SESN1: variants seen among roughly 807,000 people sequenced by gnomAD.
The protein encoded by SESN1 is sestrin-1.
A neutral mutation model predicts 59.3 loss-of-function variants in SESN1; 30 were observed. The ratio of observed to expected loss-of-function variants is 0.51; its 90% CI spans 0.38 to 0.69. SESN1 has a LOEUF of 0.69. Ranked by LOEUF, SESN1 falls within the 30% of genes least tolerant of loss-of-function variation. The pLI is 0.00. For missense variants in SESN1, 566 were observed against 673.0 expected, an observed-to-expected ratio of 0.84 and a Z score of 1.76; for synonymous variants, 197 against 219.9, an observed-to-expected ratio of 0.90 and a Z score of 0.92.
In SESN1 at chr6:108,995,765, CAG is replaced by C. The variant is rs1443411298; in HGVS notation, c.973-1158_973-1157del. Among the ~76,000 whole-genome samples the C allele has an allele frequency of 6.6e-5, 10 of 152,182 alleles. No homozygotes were observed. The East Asian group carries it at 1.5e-3, about 23-fold the overall frequency. On this transcript the variant is annotated intron_variant, in intron 5 of 9. Coordinates refer to ENST00000436639, the MANE Select transcript of SESN1 (RefSeq NM_014454.3). ...TGCCACTGTATTCCAGCCTGGACAACAGAGAGAGACTTTGTCTCAAAAAGAGA... is the reference window on the plus strand; with the variant it reads ...TGCCACTGTATTCCAGCCTGGACAACAGAGAGACTTTGTCTCAAAAAGAGA...
chr6:108,984,453 C>T lies in SESN1; in HGVS notation c.*3091G>A, dbSNP rs1298739921. 6.6e-6 allele frequency among the ~76,000 whole-genome samples: 1 copy of T among 152,138 alleles called. No homozygotes were observed. Among genetic ancestry groups the T allele is most frequent in the Admixed American group, 6.5e-5 (1 of 15,278 alleles). ...CTTTCATGGTAGAAGGGGAGCTCCC[C>T]AGACCTCTATTAAAGGGCACTAATC... On this transcript the variant is annotated 3_prime_UTR_variant, in exon 10 of 10. Transcript: ENST00000436639.
At chr6:109,038,029 T>C (rs1224132239) in intron 1 of SESN1, among the ~76,000 whole-genome samples, 2 of 152,252 alleles carry the variant, frequency 1.3e-5, no homozygotes, top group African/African-American at 4.8e-5. Context: ...AAATCATGTC[T>C]ATATGAGTAT....
intron 1 of SESN1, among the ~76,000 whole-genome samples, chr6:109,020,681 T>A (rs1779997326): frequency 6.6e-6 from 1 of 152,208 alleles, no homozygotes; most frequent in South Asian, 2.1e-4. Context: ...TTTCAAGAGT[T>A]ACAGATTTCA....
At chr6:109,046,051 A>C (rs1387672807) in intron 1 of SESN1, among the ~76,000 whole-genome samples, 1 of 152,228 alleles carries the variant, frequency 6.6e-6, no homozygotes, top group Non-Finnish European at 1.5e-5. Context: ...AAAAAATATT[A>C]TATTTACAAG....
At chr6:109,066,378 G>A (rs577321438) in intron 1 of SESN1, among the ~76,000 whole-genome samples, 1 of 151,750 alleles carries the variant, frequency 6.6e-6, no homozygotes, top group East Asian at 1.9e-4. Flanking sequence ...GGGGAAGAGG[G>A]TTATTATTTC....
intron 1 of SESN1, among the ~76,000 whole-genome samples, chr6:109,018,902 C>T (rs1330197687): frequency 6.6e-6 from 1 of 152,104 alleles, no homozygotes; most frequent in Non-Finnish European, 1.5e-5. Context: ...CAAAAACCCA[C>T]AAAAGCACTT....
rs1779545590 is a variant in SESN1 at position 108,998,509 on chromosome 6, T to G, written c.972+4A>C. On this transcript the variant is annotated splice_donor_region_variant and intron_variant, in intron 5 of 9. Transcript: ENST00000436639. ...ATGACAATCTCATGACAAATAATAC[T>G]TACAGAAACATTTTCTGCTGAGTTG... 3.1e-6 allele frequency: 5 copies of G among 1,613,510 alleles called. No individual in the cohort carries two copies. In the East Asian group the frequency reaches 1.1e-4, roughly 36 times the overall value.
chr6:109,034,512 T>C (rs889612357), intron 1 of SESN1, among the ~76,000 whole-genome samples: 2 of 152,210 alleles, frequency 1.3e-5, no homozygotes, highest in African/African-American at 4.8e-5. Flanking sequence ...ATCGTAGAAA[T>C]GTGTAGTTTC....
chr6:109,082,701 CACTT>C (rs1781145732), intron 1 of SESN1, among the ~76,000 whole-genome samples: 1 of 152,216 alleles, frequency 6.6e-6, no homozygotes, highest in African/African-American at 2.4e-5. Context: ...CAACTACTAA[CACTT>C]ACACTGGGGC....
chr6:109,054,316 C>G (rs1489518001), intron 1 of SESN1, among the ~76,000 whole-genome samples: 2 of 151,876 alleles, frequency 1.3e-5, no homozygotes, highest in Non-Finnish European at 2.9e-5. Flanking sequence ...AAGGAAAAAA[C>G]AAGTTCATTA....
At chr6:109,071,046 G>A (rs958760846) in intron 1 of SESN1, among the ~76,000 whole-genome samples, 1 of 152,154 alleles carries the variant, frequency 6.6e-6, no homozygotes, top group African/African-American at 2.4e-5. Context: ...CCACACAGAT[G>A]GGAGAGAGGG....
intron 1 of SESN1, chr6:109,009,576 A>G: frequency 4.6e-6 from 5 of 1,094,910 alleles, no homozygotes; most frequent in Middle Eastern, 4.0e-4. Flanking sequence ...GGCGGCGCCG[A>G]CAAACAAGCC....
intron 1 of SESN1, among the ~76,000 whole-genome samples, chr6:109,079,640 C>T (rs1447607205): frequency 1.3e-5 from 2 of 152,056 alleles, no homozygotes; most frequent in African/African-American, 2.4e-5. Flanking sequence ...TATGTTGGTT[C>T]GGGTACCCAG....
At chr6:109,067,315 C>A (rs1780846046) in intron 1 of SESN1, among the ~76,000 whole-genome samples, 1 of 152,146 alleles carries the variant, frequency 6.6e-6, no homozygotes, top group African/African-American at 2.4e-5. Context: ...ATAACACCCT[C>A]CTGCACAGTG....
At chr6:109,036,241 A>C (rs558660120) in intron 1 of SESN1, among the ~76,000 whole-genome samples, 1 of 152,346 alleles carries the variant, frequency 6.6e-6, no homozygotes, top group South Asian at 2.1e-4. Context: ...AAATGTCATT[A>C]CTGCTTCCAG....
intron 1 of SESN1, among the ~76,000 whole-genome samples, chr6:109,057,536 C>G (rs1341419483): frequency 2.0e-5 from 3 of 152,154 alleles, no homozygotes; most frequent in African/African-American, 7.2e-5. Flanking sequence ...TCCCAAAATT[C>G]AATTACTGTT....
chr6:109,059,682 A>C (rs1043784590), intron 1 of SESN1: 5 of 152,212 alleles, frequency 3.3e-5, no homozygotes, highest in East Asian at 3.9e-4. Context: ...CTTACATCAT[A>C]CTTAGAGAAG....
chr6:109,083,328 T>C (rs1781156071), intron 1 of SESN1, among the ~76,000 whole-genome samples: 1 of 152,198 alleles, frequency 6.6e-6, no homozygotes, highest in Non-Finnish European at 1.5e-5. Flanking sequence ...ATAAAGTAAA[T>C]CAGAAATAAA....
At chr6:109,030,737 A>G (rs1309739241) in intron 1 of SESN1, among the ~76,000 whole-genome samples, 1 of 152,236 alleles carries the variant, frequency 6.6e-6, no homozygotes, top group African/African-American at 2.4e-5. Context: ...TGTAAAATGT[A>G]TATAGGATTT....
Sources: gnomAD v4.1 joint callset for allele counts (sites outside exome capture counted in the v4.1 genomes callset) on GRCh38, gnomAD v4.1.1 for gene constraint, MANE v1.5 for transcripts, NCBI Gene and HGNC (gene_info 2026-07-23, HGNC 2026-07-21) for gene names.